The following ASTN2 variants were observed in gnomAD, a reference collection of about 807,000 sequenced individuals.
ASTN2 encodes the protein astrotactin-2.
ASTN2 carries 54 observed loss-of-function variants against 139.8 expected under a neutral mutation model. The observed-to-expected ratio is 0.39, with a 90% confidence interval of 0.31 to 0.48. The LOEUF (loss-of-function observed/expected upper bound fraction) is 0.48. ASTN2 is among the 20% of genes least tolerant of loss of function. The pLI is 0.95. For missense variants in ASTN2, 1,565 were observed against 1,725.1 expected (o/e 0.91, Z 1.64); for synonymous variants, 756 against 719.5 (o/e 1.05, Z -0.81).
rs185596826 is a variant in ASTN2, at chr9:116,533,722, T to C, written c.3356-46222A>G. Among the ~76,000 whole-genome samples, 386 of 152,334 alleles carry C rather than the reference T, an allele frequency of 2.5e-3. 4 individuals are homozygous for C. The highest frequency in any genetic ancestry group is 4.4e-3 in the Non-Finnish European group (298 of 68,034). The stretch of plus-strand genomic sequence containing the variant: ...CCCAGGGATGAAGCCCACTTGATCA[T>C]GGTGGATAAGCTTTTTGATGTGCTG... On this transcript the variant is annotated intron_variant, in intron 19 of 22. Transcript: ENST00000313400.
At chr9:117,125,563 T>A (rs1255475338) in intron 4 of ASTN2, among the ~76,000 whole-genome samples, 1 of 152,218 alleles carries the variant, frequency 6.6e-6, no homozygotes, top group African/African-American at 2.4e-5. Flanking sequence ...GAAAGGGTTT[T>A]ACAAAGCCTT....
At chr9:117,023,214 G>A (rs529371131) in intron 6 of ASTN2, among the ~76,000 whole-genome samples, 13 of 152,066 alleles carry the variant, frequency 8.5e-5, no homozygotes, top group East Asian at 1.9e-4. Flanking sequence ...ACTTTCCTCC[G>A]TGTCCTTGTC....
intron 3 of ASTN2, among the ~76,000 whole-genome samples, chr9:117,170,816 A>T (rs1177268996): frequency 6.6e-6 from 1 of 152,136 alleles, no homozygotes; most frequent in African/African-American, 2.4e-5. Context: ...GAGTGATTTG[A>T]TTTTGCAAAA....
At chr9:116,828,546 A>C (rs1336359911) in intron 11 of ASTN2, among the ~76,000 whole-genome samples, 1 of 152,196 alleles carries the variant, frequency 6.6e-6, no homozygotes, top group African/African-American at 2.4e-5. Flanking sequence ...AATCCTCAAC[A>C]GAGTAATCAT....
chr9:117,382,132 A>C (rs1830288824), intron 1 of ASTN2, among the ~76,000 whole-genome samples: 1 of 152,194 alleles, frequency 6.6e-6, no homozygotes, highest in Admixed American at 6.5e-5. Context: ...CAATTCTATT[A>C]CTTGGGCTGG....
At chr9:117,173,611 A>G in intron 3 of ASTN2, among the ~76,000 whole-genome samples, 1 of 152,114 alleles carries the variant, frequency 6.6e-6, no homozygotes, top group East Asian at 1.9e-4. Context: ...ATGCCTGGAA[A>G]TGTAAATAAA....
intron 13 of ASTN2, among the ~76,000 whole-genome samples, chr9:116,752,687 A>G (rs1052947789): frequency 2.6e-5 from 4 of 152,234 alleles, no homozygotes; most frequent in Non-Finnish European, 5.9e-5. Context: ...AACAAACAGT[A>G]CCATTAAAAA....
At chr9:117,353,776 T>C (rs937030515) in intron 1 of ASTN2, among the ~76,000 whole-genome samples, 12 of 152,096 alleles carry the variant, frequency 7.9e-5, no homozygotes, top group African/African-American at 2.7e-4. Context: ...TAAATGCATA[T>C]TACTAAGTGA....
chr9:117,123,479 T>C (rs866731323), intron 4 of ASTN2, among the ~76,000 whole-genome samples: 1 of 152,110 alleles, frequency 6.6e-6, no homozygotes, highest in Admixed American at 6.6e-5. Flanking sequence ...ATAATAATAA[T>C]ATATACACTA....
intron 2 of ASTN2, among the ~76,000 whole-genome samples, chr9:117,225,535 G>GTGTATATATATATATATATA (rs372269409): frequency 9.4e-5 from 6 of 63,960 alleles, no homozygotes; most frequent in African/African-American, 2.2e-4. Context: ...CAAGCTGTAT[G>GTGTATATATATATATATATA]TATATATATA....
intron 13 of ASTN2, among the ~76,000 whole-genome samples, chr9:116,795,872 CA>C (rs1308120709): frequency 3.3e-5 from 5 of 152,150 alleles, no homozygotes; most frequent in Admixed American, 6.5e-5. Flanking sequence ...GGTAAAACAC[CA>C]CTTTATAGTT....
intron 19 of ASTN2, chr9:116,611,645 T>C (rs1005742544): frequency 1.4e-4 from 22 of 152,144 alleles, no homozygotes; most frequent in African/African-American, 4.6e-4. Context: ...ATAAATTTGA[T>C]AATTTACATG....
At chr9:116,487,678 C>T (rs1849384022) in intron 19 of ASTN2, among the ~76,000 whole-genome samples, 178 bp from the exon 20 acceptor site, 1 of 152,056 alleles carries the variant, frequency 6.6e-6, no homozygotes, top group South Asian at 2.1e-4. Flanking sequence ...ACTCTTTGTT[C>T]ATATTTATGC....
At chr9:116,638,148 A>G (rs1244505928) in intron 17 of ASTN2, among the ~76,000 whole-genome samples, 2 of 152,222 alleles carry the variant, frequency 1.3e-5, no homozygotes, top group Admixed American at 1.3e-4. Context: ...GTTGTGATCA[A>G]AAAATAAAAC....
At chr9:116,889,765 AC>A (rs1329926115) in intron 10 of ASTN2, among the ~76,000 whole-genome samples, 37 of 138,220 alleles carry the variant, frequency 2.7e-4, no homozygotes, top group African/African-American at 7.3e-4. Context: ...ACACACACAC[AC>A]ACACAAATAA....
intron 3 of ASTN2, among the ~76,000 whole-genome samples, chr9:117,150,923 G>C (rs895273909): frequency 7.9e-5 from 12 of 152,078 alleles, no homozygotes; most frequent in African/African-American, 2.9e-4. Flanking sequence ...GGTTGGTCTT[G>C]AACTCCTGGC....
intron 3 of ASTN2, among the ~76,000 whole-genome samples, chr9:117,157,943 T>C (rs373707322): frequency 6.6e-6 from 1 of 152,134 alleles, no homozygotes; most frequent in East Asian, 1.9e-4. Flanking sequence ...GGGAAAAGAA[T>C]GCATCATGAT....
intron 19 of ASTN2, among the ~76,000 whole-genome samples, chr9:116,567,724 G>A (rs1327456728): frequency 6.6e-6 from 1 of 152,134 alleles, no homozygotes; most frequent in Non-Finnish European, 1.5e-5. Flanking sequence ...GAAGATGAAG[G>A]AAGGACGGTT....
At chr9:117,239,220 A>C (rs976981865) in intron 2 of ASTN2, among the ~76,000 whole-genome samples, 33 of 152,184 alleles carry the variant, frequency 2.2e-4, no homozygotes, top group African/African-American at 7.7e-4. Flanking sequence ...AGTCCCTGCA[A>C]CAAATGTAAG....
Sources: allele counts gnomAD v4.1 joint callset (sites outside exome capture counted in the v4.1 genomes callset), GRCh38; gene constraint gnomAD v4.1.1; transcripts MANE v1.5; gene names NCBI Gene and HGNC (gene_info 2026-07-23, HGNC 2026-07-21).